TPRG1: variants seen among roughly 807,000 people sequenced by gnomAD.
The protein encoded by TPRG1 is tumor protein p63-regulated gene 1 protein.
TPRG1 carries 29 observed loss-of-function variants against 29.3 expected under a neutral mutation model. The ratio of observed to expected loss-of-function variants is 0.99; its 90% CI spans 0.74 to 1.35. The LOEUF is 1.35. Ranked by LOEUF, TPRG1 falls within the 40% of genes most tolerant of loss-of-function variation. The probability of loss-of-function intolerance (pLI) is 0.00; values close to 1 mark genes in which losing one functional copy is unlikely to be tolerated. For synonymous variants in TPRG1, 130 were observed against 116.8 expected (o/e 1.11, Z -0.73); for missense variants, 327 against 335.0 (o/e 0.98, Z 0.19).
intron 3 of TPRG1, among the ~76,000 whole-genome samples, chr3:189,137,378 C>A (rs751495367): frequency 6.9e-6 from 1 of 144,542 alleles, no homozygotes; most frequent in Non-Finnish European, 1.5e-5. Context: ...CAAACCAAAA[C>A]AAGTAACAGC....
intron 4 of TPRG1, among the ~76,000 whole-genome samples, chr3:189,094,902 C>T (rs1718574123): frequency 6.6e-6 from 1 of 152,234 alleles, no homozygotes; most frequent in South Asian, 2.1e-4. Flanking sequence ...GGAGCAGGCC[C>T]ATCCATCCTG....
At chr3:189,097,055 C>T (rs995935192), upstream of TPRG1, among the ~76,000 whole-genome samples, 5 of 152,138 alleles carry the variant, frequency 3.3e-5, no homozygotes, top group African/African-American at 9.7e-5. Context: ...TGTATTTTCT[C>T]CATGCATGGC....
intron 4 of TPRG1, among the ~76,000 whole-genome samples, chr3:189,259,009 A>C (rs907484362): frequency 6.6e-6 from 1 of 152,116 alleles, no homozygotes; most frequent in East Asian, 1.9e-4. Flanking sequence ...TAGAGTGAAC[A>C]GTTCTGTCTT....
chr3:189,189,521 T>TA lies in TPRG1; in HGVS notation c.-10+17400dup, dbSNP rs1227322154. Among the ~76,000 whole-genome samples the TA allele has an allele frequency of 5.4e-5, 8 of 149,506 alleles. No individual in the cohort carries two copies. In the East Asian group the frequency reaches 5.8e-4, roughly 11 times the overall value. Reference sequence around the variant, plus strand: ...GGATTTGCCCCTGGGAGATGATGAGTAAAAAAAAAATCTGGCTGGAAAGGT... The same window carrying TA: ...GGATTTGCCCCTGGGAGATGATGAGTAAAAAAAAAAATCTGGCTGGAAAGGT... On this transcript the variant is annotated intron_variant, in intron 1 of 5. Coordinates refer to ENST00000345063, the MANE Select transcript of TPRG1 (RefSeq NM_198485.4).
chr3:189,057,916 C>A (rs9681970), intron 4 of TPRG1, among the ~76,000 whole-genome samples: 13,425 of 146,654 alleles, frequency 0.092, 901 homozygotes, highest in African/African-American at 0.19. Context: ...ACGTATATAT[C>A]TTGTATATAT....
intron 5 of TPRG1, among the ~76,000 whole-genome samples, chr3:189,153,074 C>A (rs1726181684): frequency 6.6e-6 from 1 of 152,200 alleles, no homozygotes; most frequent in Non-Finnish European, 1.5e-5. Flanking sequence ...AAACTTTTGA[C>A]TTAAATGTAA....
chr3:189,217,817 G>T, intron 3 of TPRG1: 1 of 984,650 alleles, frequency 1.0e-6, no homozygotes, highest in South Asian at 4.7e-5. Context: ...GAGCATTCAT[G>T]GAGGATTTAA....
intron 4 of TPRG1, among the ~76,000 whole-genome samples, chr3:189,092,835 A>C (rs140153766): frequency 0.033 from 4,968 of 152,270 alleles, 136 homozygotes; most frequent in Non-Finnish European, 0.052. Flanking sequence ...ACTGCATGCA[A>C]GGCCCTGTTC....
At chr3:189,100,827 G>T (rs1719108495) in intron 1 of TPRG1, among the ~76,000 whole-genome samples, 4 of 151,974 alleles carry the variant, frequency 2.6e-5, no homozygotes, top group Admixed American at 2.6e-4. Flanking sequence ...CTGCCAGTGG[G>T]GCCACTGCGG....
At chr3:189,304,387 C>G (rs778155046) in intron 4 of TPRG1, among the ~76,000 whole-genome samples, 14 of 152,086 alleles carry the variant, frequency 9.2e-5, no homozygotes, top group Non-Finnish European at 1.9e-4. Flanking sequence ...TTTTGATGAA[C>G]ATTGCCGATC....
Position 189,312,183 on chromosome 3 carries a change from T to C in TPRG1, c.633+1644T>C, listed in dbSNP as rs1722758710. On this transcript the variant is annotated intron_variant, in intron 5 of 5. Transcript: ENST00000345063. ...TTTCTTTCTTTCTTTCTTTCTTTCT[T>C]TTTTTCTTTCTTTCTTTCTTTCTTT... 7.2e-4 allele frequency among the ~76,000 whole-genome samples: 31 copies of C among 42,938 alleles called. 1 individual carries two copies. The highest frequency in any genetic ancestry group is 1.1e-3 in the Admixed American group (3 of 2,824). 28.2% of individuals were successfully genotyped at this position (42,938 alleles called of 152,430 possible).
intron 5 of TPRG1, among the ~76,000 whole-genome samples, chr3:189,152,741 C>A (rs189047445): frequency 6.0e-5 from 9 of 150,408 alleles, no homozygotes; most frequent in East Asian, 2.0e-4. Flanking sequence ...TTGCTACCCT[C>A]CATTATTATT....
intron 3 of TPRG1, among the ~76,000 whole-genome samples, chr3:189,006,392 T>C (rs1322151789): frequency 6.6e-6 from 1 of 152,152 alleles, no homozygotes; most frequent in Non-Finnish European, 1.5e-5. Context: ...AATGATGCAA[T>C]ACAGGCACTG....
intron 4 of TPRG1, among the ~76,000 whole-genome samples, chr3:189,039,845 T>TG (rs1714519431): frequency 6.6e-6 from 1 of 151,526 alleles, no homozygotes; most frequent in Non-Finnish European, 1.5e-5. Flanking sequence ...ACTCCTATTT[T>TG]TTTTTTTGAC....
rs955763294 is a variant in TPRG1, at chr3:189,285,882, AT to A, written c.480-24495del. Reference sequence around the variant, plus strand: ...TCTCACTTTCCACACATGCTAGTTTATTTTTTTTTCTGAGTACAATATTTCA... The same window carrying A: ...TCTCACTTTCCACACATGCTAGTTTATTTTTTTTCTGAGTACAATATTTCA... On this transcript the variant is annotated intron_variant, in intron 4 of 5. Transcript: ENST00000345063. Among the ~76,000 whole-genome samples the A allele has an allele frequency of 2.7e-4, 41 of 151,042 alleles. 1 individual carries two copies. The highest frequency in any genetic ancestry group is 1.0e-3 in the African/African-American group (41 of 41,146).
chr3:189,188,769 A>C (rs986661353), intron 1 of TPRG1, among the ~76,000 whole-genome samples: 2 of 152,182 alleles, frequency 1.3e-5, no homozygotes, highest in Admixed American at 1.3e-4. Flanking sequence ...AGCCTTGCCC[A>C]AGAGACACTG....
At position 189,278,758 on chromosome 3, in the gene TPRG1, A is replaced by G. The variant is rs1316282917; in HGVS notation, c.480-31628A>G. Among the ~76,000 whole-genome samples the G allele has an allele frequency of 2.6e-5, 4 of 152,228 alleles. No individual in the cohort carries two copies. In the South Asian group the frequency reaches 6.2e-4, roughly 24 times the overall value. ...TTCAAAGCACTGTAATCCAGGTGTC[A>G]TCACCACCACTTGACAGCCATGTCC... On this transcript the variant is annotated intron_variant, in intron 4 of 5. Coordinates refer to ENST00000345063, the MANE Select transcript of TPRG1 (RefSeq NM_198485.4).
intron 3 of TPRG1, among the ~76,000 whole-genome samples, chr3:189,021,788 G>C (rs1400068787): frequency 6.6e-6 from 1 of 152,122 alleles, no homozygotes; most frequent in African/African-American, 2.4e-5. Context: ...TGCCTTGCTA[G>C]ATTGGGGAAG....
intron 1 of TPRG1, among the ~76,000 whole-genome samples, chr3:189,111,438 G>A (rs1433091329): frequency 6.6e-6 from 1 of 151,944 alleles, no homozygotes; most frequent in Non-Finnish European, 1.5e-5. Context: ...TCAACTTTAT[G>A]TTGGGTTTAT....
Sources: gnomAD v4.1 joint callset for allele counts (sites outside exome capture counted in the v4.1 genomes callset) on GRCh38, gnomAD v4.1.1 for gene constraint, MANE v1.5 for transcripts, NCBI Gene and HGNC (gene_info 2026-07-23, HGNC 2026-07-21) for gene names.